GYPC: variants seen among roughly 807,000 people sequenced by gnomAD.
GYPC encodes glycophorin-C.
A neutral mutation model predicts 12.6 loss-of-function variants in GYPC; 14 were observed. That is an observed-to-expected ratio of 1.11 (90% CI 0.74 to 1.74). The LOEUF (loss-of-function observed/expected upper bound fraction) is 1.74. Among genes scored for constraint, GYPC ranks in the 40% most tolerant of loss-of-function variants. GYPC has a pLI of 0.00. For synonymous variants in GYPC, 78 were observed against 62.1 expected (o/e 1.26, Z -1.20); for missense variants, 225 against 172.1 (o/e 1.31, Z -1.72).
intron 1 of GYPC, among the ~76,000 whole-genome samples, chr2:126,681,400 C>G (rs1683146236): frequency 6.6e-6 from 1 of 152,094 alleles, no homozygotes; most frequent in African/African-American, 2.4e-5. Flanking sequence ...AGATTGCTCT[C>G]TCTCTTCAAT....
At chr2:126,663,260 T>C (rs1359640574) in intron 1 of GYPC, among the ~76,000 whole-genome samples, 1 of 152,248 alleles carries the variant, frequency 6.6e-6, no homozygotes, top group East Asian at 1.9e-4. Context: ...ATTGTCTCAA[T>C]CTCCTGACCT....
chr2:126,674,879 C>T (rs547426117), intron 1 of GYPC, among the ~76,000 whole-genome samples: 1 of 152,206 alleles, frequency 6.6e-6, no homozygotes, highest in Non-Finnish European at 1.5e-5. Flanking sequence ...TGTTAACCCC[C>T]CAACACATTT....
chr2:126,665,315 A>ACTTCATTAT lies in GYPC; in HGVS notation c.49+9004_49+9012dup, dbSNP rs560168054. Among the ~76,000 whole-genome samples, 38 of 152,268 alleles carry ACTTCATTAT rather than the reference A, an allele frequency of 2.5e-4. 1 individual carries two copies. The South Asian group carries it at 7.7e-3, about 31-fold the overall frequency. ...TAGAGTACGTTGTTACAATTGTTTT[A>ACTTCATTAT]CTTCATTATTCATTGTTGTTAATAT... On this transcript the variant is annotated intron_variant, in intron 1 of 3. Transcript: ENST00000259254.
At chr2:126,687,412 G>A (rs1393442454) in intron 1 of GYPC, among the ~76,000 whole-genome samples, 1 of 152,144 alleles carries the variant, frequency 6.6e-6, no homozygotes, top group East Asian at 1.9e-4. Context: ...TTTCTAACAG[G>A]CTCCCAGAGG....
intron 1 of GYPC, among the ~76,000 whole-genome samples, chr2:126,657,068 C>T (rs1285482519): frequency 1.3e-5 from 2 of 152,218 alleles, no homozygotes; most frequent in Non-Finnish European, 2.9e-5. Flanking sequence ...TTCTTAGAGT[C>T]TGTCAGAGAG....
chr2:126,690,123 C>T lies in GYPC; in HGVS notation c.50-132C>T, dbSNP rs1247758599. On this transcript the variant is annotated intron_variant, in intron 1 of 3. Coordinates refer to ENST00000259254, the MANE Select transcript of GYPC (RefSeq NM_002101.5). The stretch of plus-strand genomic sequence containing the variant: ...CTGCTAGGAGTCGGTGGGTGCACCA[C>T]ACTGTCTCTGTCCACTTGAACCCAT... 4.0e-6 allele frequency: 3 copies of T among 753,098 alleles called. No homozygotes were observed. In the Admixed American group the frequency reaches 5.7e-5, roughly 14 times the overall value. 46.7% of individuals were successfully genotyped at this position (753,098 alleles called of 1,614,324 possible). A position where few individuals can be genotyped will look rare whatever the true frequency, so the allele number is the denominator to read the frequency against.
chr2:126,682,605 G>T (rs911581270), intron 1 of GYPC, among the ~76,000 whole-genome samples: 6 of 152,210 alleles, frequency 3.9e-5, no homozygotes, highest in Admixed American at 1.3e-4. Flanking sequence ...TTCCACTTCC[G>T]CTGTGAAGAT....
intron 1 of GYPC, chr2:126,686,205 T>A: frequency 1.0e-6 from 1 of 985,018 alleles, no homozygotes; most frequent in Non-Finnish European, 1.2e-6. Flanking sequence ...GCCTCAGGGC[T>A]AGCACCTGAC....
chr2:126,688,916 G>C (rs894921802), intron 1 of GYPC, among the ~76,000 whole-genome samples: 1 of 151,772 alleles, frequency 6.6e-6, no homozygotes, highest in African/African-American at 2.4e-5. Flanking sequence ...ATTATGTAGA[G>C]CCATTGTAAT....
chr2:126,664,381 A>G (rs1682624220), intron 1 of GYPC, among the ~76,000 whole-genome samples: 1 of 152,022 alleles, frequency 6.6e-6, no homozygotes, highest in East Asian at 1.9e-4. Flanking sequence ...GCATGTGATG[A>G]TACCGAAACT....
At chr2:126,665,746 G>T (rs984779273) in intron 1 of GYPC, among the ~76,000 whole-genome samples, 1 of 152,216 alleles carries the variant, frequency 6.6e-6, no homozygotes, top group Non-Finnish European at 1.5e-5. Context: ...GCCCTGCTCC[G>T]CACCTAGTGA....
At chr2:126,689,168 A>G (rs1683378175) in intron 1 of GYPC, among the ~76,000 whole-genome samples, 1 of 152,122 alleles carries the variant, frequency 6.6e-6, no homozygotes, top group South Asian at 2.1e-4. Context: ...GTAAAGACCT[A>G]TGGGAGGGCT....
At chr2:126,667,410 T>C (rs569180080) in intron 1 of GYPC, among the ~76,000 whole-genome samples, 4 of 151,640 alleles carry the variant, frequency 2.6e-5, no homozygotes, top group African/African-American at 9.7e-5. Flanking sequence ...TTTTTCTTTT[T>C]TTTTTTTTTG....
At chr2:126,683,222 G>A (rs1271626897) in intron 1 of GYPC, among the ~76,000 whole-genome samples, 1 of 152,166 alleles carries the variant, frequency 6.6e-6, no homozygotes, top group African/African-American at 2.4e-5. Flanking sequence ...GGGAGGCTGA[G>A]GCAGGGAGAA....
At chr2:126,677,582 T>C (rs1158198635) in intron 1 of GYPC, among the ~76,000 whole-genome samples, 1 of 151,934 alleles carries the variant, frequency 6.6e-6, no homozygotes, top group Non-Finnish European at 1.5e-5. Flanking sequence ...TGTGAGTGTG[T>C]GAGTGTGTAT....
intron 2 of GYPC, among the ~76,000 whole-genome samples, chr2:126,692,279 C>A (rs1683493946): frequency 6.6e-6 from 1 of 152,088 alleles, no homozygotes; most frequent in South Asian, 2.1e-4. Flanking sequence ...TTCTTCCCCA[C>A]CTCCAAGCTC....
chr2:126,671,438 G>C (rs1682852776), intron 1 of GYPC, among the ~76,000 whole-genome samples: 1 of 152,246 alleles, frequency 6.6e-6, no homozygotes, highest in African/African-American at 2.4e-5. Context: ...GCACAGGGGA[G>C]CAACCTCTCC....
intron 1 of GYPC, among the ~76,000 whole-genome samples, chr2:126,687,503 C>T (rs1683324666): frequency 6.6e-6 from 1 of 152,220 alleles, no homozygotes; most frequent in Non-Finnish European, 1.5e-5. Context: ...TGAGCTTCCT[C>T]TCTATGCTGA....
chr2:126,666,739 A>ATG (rs1682690678), intron 1 of GYPC, among the ~76,000 whole-genome samples: 1 of 148,988 alleles, frequency 6.7e-6, no homozygotes, highest in African/African-American at 2.5e-5. Context: ...ACACACACAC[A>ATG]CACACACACA....
Sources: allele counts gnomAD v4.1 joint callset (sites outside exome capture counted in the v4.1 genomes callset), GRCh38; gene constraint gnomAD v4.1.1; transcripts MANE v1.5; gene names NCBI Gene and HGNC (gene_info 2026-07-23, HGNC 2026-07-21).